The following KIF23 variants were observed in gnomAD, a reference collection of about 807,000 sequenced individuals.
KIF23 encodes kinesin family member 23, also known as kinesin-like protein KIF23.
Under a neutral mutation model 137.5 loss-of-function variants are expected in KIF23, and 30 were observed. The ratio of observed to expected loss-of-function variants is 0.22; its 90% confidence interval spans 0.16 to 0.30. The LOEUF is 0.30. KIF23 is among the 10% of genes least tolerant of loss of function. KIF23 has a pLI of 1.00. For synonymous variants in KIF23, 367 were observed against 391.1 expected, an observed-to-expected ratio of 0.94 and a Z score of 0.73; for missense variants, 920 against 1,194.3, an observed-to-expected ratio of 0.77 and a Z score of 3.38.
Position 69,448,007 on chromosome 15 carries a change from T to C in KIF23, c.*200T>C. The C allele has an allele frequency of 2.4e-6, 1 of 419,160 alleles. No homozygotes were observed. The highest frequency in any genetic ancestry group is 4.3e-6 in the Non-Finnish European group (1 of 234,634). The allele number at this position is 419,160 out of a possible 1,614,324, so 26.0% of individuals were successfully genotyped here. The stretch of plus-strand genomic sequence containing the variant: ...CAACTAGTATTCAACAAACCTTGTA[T>C]AGTATATGTTTTGCCATATTTAATA... On this transcript the variant is annotated 3_prime_UTR_variant, in exon 24 of 24. Transcript: ENST00000679126.
Position 69,448,314 on chromosome 15 carries a change from G to A in KIF23, c.*507G>A, listed in dbSNP as rs1402253253. 6.6e-6 allele frequency: 1 copy of A among 152,638 alleles called. No homozygotes were observed. The highest frequency in any genetic ancestry group is 1.5e-5 in the Non-Finnish European group (1 of 68,042). The allele number at this position is 152,638 out of a possible 1,614,324, so 9.5% of individuals were successfully genotyped here. On this transcript the variant is annotated 3_prime_UTR_variant, in exon 24 of 24. Coordinates refer to ENST00000679126, the MANE Select transcript of KIF23 (RefSeq NM_001367805.3). ...AGACTTTCAAAATAAAGATGTAAAT[G>A]ACTGGCCAATAATAACCATTTTAGG...
rs190897379 is a variant in KIF23, at chr15:69,437,007, G to A, written c.1597+285G>A. On this transcript the variant is annotated intron_variant, in intron 15 of 23. Coordinates refer to ENST00000679126, the MANE Select transcript of KIF23 (RefSeq NM_001367805.3). The stretch of plus-strand genomic sequence containing the variant: ...TGACCTCAAGTGATCCGCCTGCCTC[G>A]GCCTCCTAAAGTGCTGGGATTACAG... Among the ~76,000 whole-genome samples the A allele has an allele frequency of 7.2e-3, 1,098 of 152,156 alleles. 19 individuals are homozygous for A. The highest frequency in any genetic ancestry group is 0.025 in the African/African-American group (1,017 of 41,498).
chr15:69,429,744 G>A (rs1406708089), intron 11 of KIF23, among the ~76,000 whole-genome samples: 1 of 152,104 alleles, frequency 6.6e-6, no homozygotes, highest in Non-Finnish European at 1.5e-5. Flanking sequence ...AATTAGTCTG[G>A]GTGCGGTGGC....
chr15:69,447,794 G>A lies in KIF23; in HGVS notation c.2912G>A (p.Arg971His), dbSNP rs750759510. The A allele has an allele frequency of 3.1e-6, 5 of 1,602,738 alleles. No individual in the cohort carries two copies. Among genetic ancestry groups the A allele is most frequent in the Admixed American group, 3.4e-5 (2 of 59,634 alleles). Residue 971 changes from arginine to histidine, a missense_variant and splice_region_variant, in exon 24 of 24, where the codon CGC becomes CAC. This residue lies in a region of KIF23 where 75 missense variants were observed against 177.9 expected (regional missense o/e 0.42). Coordinates refer to ENST00000679126, the MANE Select transcript of KIF23 (RefSeq NM_001367805.3). ...PGYQHHAQPK[R>H]KKP ...AAGTGCTGGTTGTTATGTTTTAGGC[G>A]CAAAAAGCCATGAACTGACAGTCCC...
chr15:69,422,406 T>A lies in KIF23; in HGVS notation c.534T>A (p.Ala178=). ...TATTAGAACGTCAGAAAAGAGAAGC[T>A]ATGCCCAATCCAAAGACTTCTTCTA... ...DALLERQKRE[A]MPNPKTSSSK... Residue 178 remains alanine (A), a synonymous_variant, in exon 6 of 24, where the codon GCT becomes GCA. Coordinates refer to ENST00000679126, the MANE Select transcript of KIF23 (RefSeq NM_001367805.3). 6.2e-7 allele frequency: 1 copy of A among 1,604,328 alleles called. No individual in the cohort carries two copies. The highest frequency in any genetic ancestry group is 8.5e-7 in the Non-Finnish European group (1 of 1,171,198).
At position 69,425,255 on chromosome 15, in the gene KIF23, G is replaced by A. The variant is rs762048929; in HGVS notation, c.735-27G>A. 38 of 1,529,852 alleles carry A rather than the reference G, an allele frequency of 2.5e-5. No individual in the cohort carries two copies. The South Asian group carries it at 3.3e-4, about 13-fold the overall frequency. 94.8% of individuals were successfully genotyped at this position (1,529,852 alleles called of 1,614,324 possible). A position where few individuals can be genotyped will look rare whatever the true frequency, so the allele number is the denominator to read the frequency against. ...GTGTGAGATGGCTGCTGTAGAAACA[G>A]TAACTTCTACCTTATTCCTTTGGTA... On this transcript the variant is annotated intron_variant, in intron 7 of 23. Transcript: ENST00000679126.
chr15:69,447,951 C>A lies in KIF23; in HGVS notation c.*144C>A. On this transcript the variant is annotated 3_prime_UTR_variant, in exon 24 of 24. Coordinates refer to ENST00000679126, the MANE Select transcript of KIF23 (RefSeq NM_001367805.3). ...ACCTCAGCTACATCATACACTGACC[C>A]AGAGCAAAGCTTTCCCTATGGTTCC... 1 of 609,440 alleles carries A rather than the reference C, an allele frequency of 1.6e-6. No individual in the cohort carries two copies. The highest frequency in any genetic ancestry group is 2.8e-6 in the Non-Finnish European group (1 of 362,178). 37.8% of individuals were successfully genotyped at this position (609,440 alleles called of 1,614,324 possible). A position where few individuals can be genotyped will look rare whatever the true frequency, so the allele number is the denominator to read the frequency against.
At chr15:69,420,545 T>C (rs2057028031) in intron 3 of KIF23, among the ~76,000 whole-genome samples, 1 of 152,244 alleles carries the variant, frequency 6.6e-6, no homozygotes, top group South Asian at 2.1e-4. Context: ...GTATTCTTGC[T>C]TTCTTAAAGG....
At chr15:69,441,230 G>A (rs1345390478) in intron 19 of KIF23, 151 bp downstream of exon 19, 7 of 757,294 alleles carry the variant, frequency 9.2e-6, no homozygotes, top group East Asian at 8.2e-5. Flanking sequence ...ATTGACTTAC[G>A]GAAATTGAGG....
In KIF23 at chr15:69,444,507, C is replaced by G; in HGVS notation, c.2422-283C>G. 1 of 359,252 alleles carries G rather than the reference C, an allele frequency of 2.8e-6. No homozygotes were observed. The highest frequency in any genetic ancestry group is 3.7e-5 in the South Asian group (1 of 27,138). 22.3% of individuals were successfully genotyped at this position (359,252 alleles called of 1,614,324 possible). On this transcript the variant is annotated intron_variant, in intron 19 of 23. Transcript: ENST00000679126. The surrounding 1 kb of genome is among the most constrained non-coding windows in gnomAD (Gnocchi z 4.2). The stretch of plus-strand genomic sequence containing the variant: ...CAAGAATATGAAATGAGTTGTTTGT[C>G]CTGAACCACCCCCAAGCAGGAAAGA...
chr15:69,423,429 T>A (rs777487548), intron 7 of KIF23, 100 bp downstream of exon 7: 27 of 723,932 alleles, frequency 3.7e-5, no homozygotes, highest in Non-Finnish European at 5.6e-5. Flanking sequence ...GAATAATGCT[T>A]GCATTTGTTT....
chr15:69,426,062 TCCCATAG>T lies in KIF23; in HGVS notation c.777-7_777-1del. 6.6e-7 allele frequency: 1 copy of T among 1,524,550 alleles called. No homozygotes were observed. The highest frequency in any genetic ancestry group is 2.4e-5 in the Admixed American group (1 of 41,058). The allele number at this position is 1,524,550 out of a possible 1,614,324, so 94.4% of individuals were successfully genotyped here. On this transcript the variant is annotated splice_acceptor_variant and splice_polypyrimidine_tract_variant and intron_variant, in intron 8 of 23. Coordinates refer to ENST00000679126, the MANE Select transcript of KIF23 (RefSeq NM_001367805.3). LOFTEE classifies it high-confidence loss of function. ...TTAGGAGACTAATCTTTTTTTTCTTTCCCATAGACCTCCACAATCTAAATTGCTTCGT... is the reference window on the plus strand; with the variant it reads ...TTAGGAGACTAATCTTTTTTTTCTTTACCTCCACAATCTAAATTGCTTCGT...
chr15:69,430,250 TATATC>T lies in KIF23; in HGVS notation c.1114+1041_1114+1045del, dbSNP rs1439614430. On this transcript the variant is annotated intron_variant, in intron 11 of 23. Transcript: ENST00000679126. ...CTTTTTGTAGTTTTTTAAAAATTAA[TATATC>T]ATAGTTGTACGTACTTTTTGGGTAT... Among the ~76,000 whole-genome samples the T allele has an allele frequency of 1.3e-5, 2 of 152,208 alleles. 1 individual carries two copies. The highest frequency in any genetic ancestry group is 2.9e-5 in the Non-Finnish European group (2 of 68,034).
Position 69,438,271 on chromosome 15 carries a change from C to A in KIF23, c.1621C>A (p.Gln541Lys). ...KQSNAFKALL[Q>K]EFDNAVLSKE... ...AGCTAATGCTTTTAAAGCTTTGTTACAAGAATTTGACAATGCTGTTTTAAG... is the reference window on the plus strand; with the variant it reads ...AGCTAATGCTTTTAAAGCTTTGTTAAAAGAATTTGACAATGCTGTTTTAAG... Residue 541 changes from glutamine to lysine, a missense_variant, in exon 16 of 24, where the codon CAA (glutamine) becomes AAA (lysine). Physicochemically the swap from Gln to Lys is moderately conservative, Grantham distance 53. Transcript: ENST00000679126. 6.2e-7 allele frequency: 1 copy of A among 1,603,306 alleles called. No individual in the cohort carries two copies. Among genetic ancestry groups the A allele is most frequent in the South Asian group, 1.1e-5 (1 of 88,776 alleles).
At chr15:69,424,965 T>C (rs545379981) in intron 7 of KIF23, among the ~76,000 whole-genome samples, 3 of 152,354 alleles carry the variant, frequency 2.0e-5, no homozygotes, top group African/African-American at 7.2e-5. Context: ...AAGGATCATA[T>C]CTTGGCTTTA....
chr15:69,441,091 T>C lies in KIF23; in HGVS notation c.2421+12T>C. The C allele has an allele frequency of 6.3e-7, 1 of 1,591,572 alleles. No individual in the cohort carries two copies. The highest frequency in any genetic ancestry group is 8.6e-7 in the Non-Finnish European group (1 of 1,167,354). ...ATCATTGCGGCAGGGTTAGTGCCAG[T>C]ATTATTTTAACGCATTGTAGCAATA... On this transcript the variant is annotated intron_variant, in intron 19 of 23. Transcript: ENST00000679126.
chr15:69,414,561 G>T, intron 1 of KIF23, 85 bp downstream of exon 1: 3 of 1,344,554 alleles, frequency 2.2e-6, no homozygotes, highest in Non-Finnish European at 2.9e-6. Flanking sequence ...CACTCAGGCC[G>T]CGGCCGTACG....
rs2057161248 is a variant in KIF23, at chr15:69,425,304, A to G, written c.757A>G (p.Met253Val). ...KPKWNSCSTP[M>V]RNTDFVPPQS... ...TAGGTGGAACAGTTGCAGCACACCC[A>G]TGAGGAACACAGATTTTGTGTATGT... The change falls in exon 8 of 24, where the codon ATG becomes GTG. Residue 253 changes from methionine to valine, a missense_variant. By Grantham distance (21) the Met-to-Val change is conservative (BLOSUM62 1). Coordinates refer to ENST00000679126, the MANE Select transcript of KIF23 (RefSeq NM_001367805.3). The G allele has an allele frequency of 6.5e-7, 1 of 1,536,046 alleles. No individual in the cohort carries two copies. Among genetic ancestry groups the G allele is most frequent in the Non-Finnish European group, 8.7e-7 (1 of 1,146,858 alleles).
intron 2 of KIF23, among the ~76,000 whole-genome samples, 183 bp downstream of exon 2, chr15:69,416,246 A>G (rs1215658580): frequency 1.3e-5 from 2 of 152,194 alleles, no homozygotes; most frequent in African/African-American, 4.8e-5. Flanking sequence ...TTTTCTCTAT[A>G]AGATTAATTA....
Sources: gnomAD v4.1 joint callset for allele counts (sites outside exome capture counted in the v4.1 genomes callset) on GRCh38, gnomAD v4.1.1 for gene constraint, gnomAD v4.1.1 regional missense constraint, Gnocchi (gnomAD v3.1) non-coding constraint, MANE v1.5 for transcripts, NCBI Gene and HGNC (gene_info 2026-07-23, HGNC 2026-07-21) for gene names.